HEXD: variants seen among roughly 807,000 people sequenced by gnomAD.
HEXD encodes hexosaminidase D, also known as N-acetyl-beta-galactosaminidase.
A neutral mutation model predicts 54.2 loss-of-function variants in HEXD; 47 were observed. The ratio of observed to expected loss-of-function variants is 0.87; its 90% CI spans 0.69 to 1.11. The LOEUF is 1.11. Among genes scored for constraint, HEXD ranks in the 50% least tolerant of loss-of-function variants. The pLI, the probability that HEXD is intolerant of heterozygous loss-of-function variation, is 0.00. For missense variants in HEXD, 576 were observed against 649.2 expected, an observed-to-expected ratio of 0.89 and a Z score of 1.23; for synonymous variants, 293 against 287.6, an observed-to-expected ratio of 1.02 and a Z score of -0.19.
chr17:82,436,977 G>A (rs1199940905), intron 7 of HEXD, 191 bp from the exon 8 acceptor site: 7 of 655,272 alleles, frequency 1.1e-5, no homozygotes, highest in Admixed American at 2.8e-5. Context: ...CAGGGGCCAC[G>A]TACACTCTGG....
chr17:82,439,566 C>T, intron 8 of HEXD, 65 bp from the exon 9 acceptor site: 1 of 1,498,822 alleles, frequency 6.7e-7, no homozygotes, highest in Non-Finnish European at 8.9e-7. Context: ...CGTCCGAAGT[C>T]AGGGCGCCTG....
At chr17:82,425,107 CGGAGGAGGCT>C (rs905490816) in intron 3 of HEXD, among the ~76,000 whole-genome samples, 1 of 99,236 alleles carries the variant, frequency 1.0e-5, no homozygotes, top group African/African-American at 4.2e-5. Flanking sequence ...TAGAGAAGGC[CGGAGGAGGCT>C]GGAGGAGGCC....
chr17:82,440,402 C>A, intron 9 of HEXD: 2 of 988,670 alleles, frequency 2.0e-6, no homozygotes, highest in Non-Finnish European at 1.3e-6. Flanking sequence ...TAGAAAGGGG[C>A]AGAAACGATA....
chr17:82,428,535 C>T, intron 3 of HEXD, 23 bp from the exon 4 acceptor site: 4 of 1,608,216 alleles, frequency 2.5e-6, no homozygotes, highest in Non-Finnish European at 3.4e-6. Context: ...ATGACCCTCT[C>T]TCTATGAATT....
At chr17:82,438,778 G>C (rs899586014) in intron 8 of HEXD, among the ~76,000 whole-genome samples, 1 of 152,260 alleles carries the variant, frequency 6.6e-6, no homozygotes, top group Non-Finnish European at 1.5e-5. Flanking sequence ...TAGAGGGGCA[G>C]CTCACAGCCA....
intron 2 of HEXD, 24 bp downstream of exon 2, chr17:82,419,907 G>A: frequency 6.8e-7 from 1 of 1,475,598 alleles, no homozygotes; most frequent in Non-Finnish European, 9.4e-7. Flanking sequence ...TTTACCTCTA[G>A]AGCATTACTT....
At position 82,437,372 on chromosome 17, in the gene HEXD, T is replaced by G; in HGVS notation, c.899+9T>G. ...CTGACCGGCTGGCAGAGGTAAGTCCTGGCCAGTCTGTCCTCAGAGGGTCCA... is the reference window on the plus strand; with the variant it reads ...CTGACCGGCTGGCAGAGGTAAGTCCGGGCCAGTCTGTCCTCAGAGGGTCCA... On this transcript the variant is annotated intron_variant, in intron 8 of 12. Coordinates refer to ENST00000327949, the MANE Select transcript of HEXD (RefSeq NM_001330542.2). 6.3e-7 allele frequency: 1 copy of G among 1,578,326 alleles called. No homozygotes were observed. The highest frequency in any genetic ancestry group is 8.6e-7 in the Non-Finnish European group (1 of 1,160,214).
intron 3 of HEXD, among the ~76,000 whole-genome samples, chr17:82,425,093 GGGCTA>G (rs1303610573): frequency 7.6e-6 from 1 of 131,446 alleles, no homozygotes; most frequent in Non-Finnish European, 1.6e-5. Context: ...GGAGGAGGCT[GGGCTA>G]GAGAAGGCCG....
intron 2 of HEXD, among the ~76,000 whole-genome samples, chr17:82,424,006 T>G (rs1339223409): frequency 2.6e-5 from 4 of 151,380 alleles, no homozygotes; most frequent in Non-Finnish European, 5.9e-5. Context: ...GCCTTGCCAT[T>G]CTCCTTCAGC....
At chr17:82,440,661 G>A in intron 9 of HEXD, 1 of 392,870 alleles carries the variant, frequency 2.5e-6, no homozygotes, top group Non-Finnish European at 4.6e-6. Flanking sequence ...GTAAAACACA[G>A]TGGCAAACTC....
intron 5 of HEXD, among the ~76,000 whole-genome samples, chr17:82,435,297 TTC>T (rs1248556719): frequency 6.6e-6 from 1 of 152,080 alleles, no homozygotes; most frequent in Non-Finnish European, 1.5e-5. Context: ...CGTCTGGGCA[TTC>T]CACGGGTACC....
rs551041258 is a variant in HEXD at position 82,421,596 on chromosome 17, C to T, written c.84+1713C>T. ...ATCCAGGCACTTTGGGAGGCCAAGA[C>T]GGACAGATCACCTGAGGTCAGGAGC... On this transcript the variant is annotated intron_variant, in intron 2 of 12. Transcript: ENST00000327949. 1.5e-4 allele frequency among the ~76,000 whole-genome samples: 23 copies of T among 151,216 alleles called. No homozygotes were observed. The South Asian group carries it at 2.9e-3, about 19-fold the overall frequency.
intron 9 of HEXD, chr17:82,439,939 T>G: frequency 6.6e-7 from 1 of 1,512,128 alleles, no homozygotes; most frequent in Non-Finnish European, 8.8e-7. Flanking sequence ...GGCTGGAGAG[T>G]GACGCGGGAG....
At position 82,433,654 on chromosome 17, in the gene HEXD, G is replaced by A. The variant is rs751041804; in HGVS notation, c.283-4G>A. 5.0e-5 allele frequency: 78 copies of A among 1,570,182 alleles called. No individual in the cohort carries two copies. The highest frequency in any genetic ancestry group is 5.8e-5 in the Non-Finnish European group (68 of 1,164,296). The stretch of plus-strand genomic sequence containing the variant: ...CCAACGCGAACTTCTCTGTCTCTCC[G>A]CAGTTTGTGCTGAAGCACACGGCCT... On this transcript the variant is annotated splice_polypyrimidine_tract_variant and splice_region_variant and intron_variant, in intron 4 of 12. Transcript: ENST00000327949.
intron 2 of HEXD, among the ~76,000 whole-genome samples, chr17:82,422,495 TA>T (rs11386505): frequency 6.8e-4 from 95 of 140,424 alleles, no homozygotes; most frequent in Non-Finnish European, 7.7e-4. Flanking sequence ...AGACTCAGTC[TA>T]AAAAAAAAAA....
At position 82,441,245 on chromosome 17, in the gene HEXD, A is replaced by G; in HGVS notation, c.1142A>G (p.Asp381Gly). 6.5e-7 allele frequency: 1 copy of G among 1,542,582 alleles called. No individual in the cohort carries two copies. The highest frequency in any genetic ancestry group is 1.1e-5 in the South Asian group (1 of 90,102). ...QVSLHLRSSV[D>G]ALLEGNRYVT... The stretch of plus-strand genomic sequence containing the variant: ...AGCCTCCATCTGCGCAGCTCTGTGG[A>G]TGCGCTGCTGGAGGGCAACAGGTGA... The change falls in exon 11 of 13, where the codon GAT becomes GGT. Residue 381 changes from aspartate to glycine, a missense_variant. Transcript: ENST00000327949.
chr17:82,433,613 T>C (rs887287649), intron 4 of HEXD, 45 bp from the exon 5 acceptor site: 8 of 1,497,996 alleles, frequency 5.3e-6, no homozygotes, highest in Non-Finnish European at 7.1e-6. Context: ...AGGAGATCAG[T>C]CCAGCTCCTC....
intron 8 of HEXD, among the ~76,000 whole-genome samples, chr17:82,437,663 G>A (rs931425222): frequency 1.3e-5 from 2 of 152,286 alleles, no homozygotes; most frequent in Non-Finnish European, 2.9e-5. Context: ...CTTGTGGCAC[G>A]AGGAGGGGTT....
intron 4 of HEXD, among the ~76,000 whole-genome samples, chr17:82,430,913 A>G (rs1301728947): frequency 1.3e-5 from 2 of 152,110 alleles, no homozygotes; most frequent in South Asian, 2.1e-4. Flanking sequence ...ATTTTCTTCT[A>G]AAGTTTAACT....
Sources: allele counts gnomAD v4.1 joint callset (sites outside exome capture counted in the v4.1 genomes callset), GRCh38; gene constraint gnomAD v4.1.1; transcripts MANE v1.5; gene names NCBI Gene and HGNC (gene_info 2026-07-23, HGNC 2026-07-21).